The following HECW1 variants were observed in gnomAD, a reference collection of about 807,000 sequenced individuals.
The protein encoded by HECW1 is E3 ubiquitin-protein ligase HECW1.
A neutral mutation model predicts 182.3 loss-of-function variants in HECW1; 61 were observed. That is an observed-to-expected ratio of 0.33 (90% CI 0.27 to 0.41). HECW1 has a LOEUF of 0.41. Among genes scored for constraint, HECW1 ranks in the 10% least tolerant of loss-of-function variants. The pLI is 1.00. For synonymous variants in HECW1, 859 were observed against 832.6 expected, an observed-to-expected ratio of 1.03 and a Z score of -0.55; for missense variants, 1,739 against 2,108.9, an observed-to-expected ratio of 0.82 and a Z score of 3.44.
Position 43,564,567 on chromosome 7 carries a change from C to A in HECW1, c.*2641C>A, listed in dbSNP as rs545986792. ...AAAGCATAACAGGAACATTCTTTCA[C>A]AAAAGTGCAAAATTTCATGAAGAAA... On this transcript the variant is annotated 3_prime_UTR_variant, in exon 30 of 30. Coordinates refer to ENST00000395891, the MANE Select transcript of HECW1 (RefSeq NM_015052.5). 45 of 185,834 alleles carry A rather than the reference C, an allele frequency of 2.4e-4. No individual in the cohort carries two copies. Among genetic ancestry groups the A allele is most frequent in the African/African-American group, 1.1e-3 (45 of 42,836 alleles). 11.5% of individuals were successfully genotyped at this position (185,834 alleles called of 1,614,324 possible).
chr7:43,329,385 C>T (rs996773189), intron 5 of HECW1, among the ~76,000 whole-genome samples: 10 of 151,814 alleles, frequency 6.6e-5, no homozygotes, highest in Non-Finnish European at 1.3e-4. Flanking sequence ...AGAAGTGTGG[C>T]GAGAAGACTG....
intron 5 of HECW1, among the ~76,000 whole-genome samples, chr7:43,331,522 G>A (rs1811485186): frequency 6.6e-6 from 1 of 151,954 alleles, no homozygotes. Flanking sequence ...GAACCCAGGA[G>A]GTGGAGTTTG....
At chr7:43,512,196 G>T (rs1026038956) in intron 24 of HECW1, 69 of 223,480 alleles carry the variant, frequency 3.1e-4, no homozygotes, top group African/African-American at 1.4e-3. Context: ...AAGATTACAA[G>T]GCTTTCTATG....
chr7:43,291,082 A>G (rs1805340589), intron 3 of HECW1, among the ~76,000 whole-genome samples: 1 of 152,212 alleles, frequency 6.6e-6, no homozygotes. Flanking sequence ...ACGCTGTTAT[A>G]TGTACAATGT....
chr7:43,257,850 G>T (rs371473478), intron 3 of HECW1, among the ~76,000 whole-genome samples: 9 of 96,106 alleles, frequency 9.4e-5, no homozygotes, highest in African/African-American at 1.9e-4. Context: ...TTAGAAATAA[G>T]AAGAAGAATA....
chr7:43,277,948 G>T (rs969939735), intron 3 of HECW1, among the ~76,000 whole-genome samples: 12 of 151,942 alleles, frequency 7.9e-5, no homozygotes, highest in Non-Finnish European at 1.2e-4. Context: ...TCCTTCTTGG[G>T]CTCTTTCCCT....
At chr7:43,348,759 G>A (rs759066629) in intron 5 of HECW1, among the ~76,000 whole-genome samples, 4 of 152,050 alleles carry the variant, frequency 2.6e-5, no homozygotes, top group South Asian at 2.1e-4. Context: ...TCTTGATTTC[G>A]TTTTTGACCA....
At chr7:43,279,873 T>A in intron 3 of HECW1, among the ~76,000 whole-genome samples, 1 of 152,244 alleles carries the variant, frequency 6.6e-6, no homozygotes, top group East Asian at 1.9e-4. Flanking sequence ...GCAGCGACTA[T>A]TACAGTAGAT....
At position 43,384,651 on chromosome 7, in the gene HECW1, A is replaced by G. The variant is rs138724641; in HGVS notation, c.556-12163A>G. Among the ~76,000 whole-genome samples, 762 of 152,346 alleles carry G rather than the reference A, an allele frequency of 5.0e-3. 7 individuals carry two copies. Among genetic ancestry groups the G allele is most frequent in the African/African-American group, 0.017 (723 of 41,582 alleles). On this transcript the variant is annotated intron_variant, in intron 6 of 29. Coordinates refer to ENST00000395891, the MANE Select transcript of HECW1 (RefSeq NM_015052.5). ...CTTTAAAAAAAATCATTTTCTAGGC[A>G]TCTTTTCATTCAGTGAGGAGTAAAT...
chr7:43,418,668 T>A (rs1270409354), intron 8 of HECW1, among the ~76,000 whole-genome samples: 1 of 152,234 alleles, frequency 6.6e-6, no homozygotes, highest in Non-Finnish European at 1.5e-5. Flanking sequence ...TGGTTTTTTT[T>A]AATGTGCTTT....
intron 2 of HECW1, among the ~76,000 whole-genome samples, chr7:43,224,897 G>A (rs1797286932): frequency 6.6e-6 from 1 of 152,218 alleles, no homozygotes; most frequent in African/African-American, 2.4e-5. Context: ...GTGTAGTGGA[G>A]GGAGTGGCTG....
chr7:43,393,016 A>G (rs960943287), intron 6 of HECW1, among the ~76,000 whole-genome samples: 13 of 152,336 alleles, frequency 8.5e-5, no homozygotes, highest in African/African-American at 2.2e-4. Flanking sequence ...AATTAACCTC[A>G]AAGCTCTTAA....
At chr7:43,337,724 A>G (rs1216949029) in intron 5 of HECW1, among the ~76,000 whole-genome samples, 1 of 152,232 alleles carries the variant, frequency 6.6e-6, no homozygotes. Context: ...AGCCAAGATC[A>G]TTGTCTCCCA....
At chr7:43,120,671 T>C (rs1262417266) in intron 2 of HECW1, among the ~76,000 whole-genome samples, 6 of 152,076 alleles carry the variant, frequency 3.9e-5, no homozygotes, top group African/African-American at 1.4e-4. Flanking sequence ...TGAGACAGGG[T>C]TTCACTCTGT....
At chr7:43,544,282 G>C (rs2081475173) in intron 26 of HECW1, among the ~76,000 whole-genome samples, 1 of 152,038 alleles carries the variant, frequency 6.6e-6, no homozygotes, top group South Asian at 2.1e-4. Flanking sequence ...TATCAGAAGA[G>C]ATCCCACAGA....
intron 19 of HECW1, among the ~76,000 whole-genome samples, chr7:43,493,480 A>T (rs1026864790): frequency 1.3e-4 from 20 of 152,214 alleles, no homozygotes; most frequent in African/African-American, 4.6e-4. Context: ...AAAATTATTT[A>T]TGTACAGCAC....
At chr7:43,208,237 G>C (rs954139306) in intron 2 of HECW1, among the ~76,000 whole-genome samples, 2 of 152,154 alleles carry the variant, frequency 1.3e-5, no homozygotes, top group East Asian at 3.8e-4. Context: ...TCTGAAGTCT[G>C]CTCTTTCAAC....
At chr7:43,172,284 A>C (rs904780536) in intron 2 of HECW1, among the ~76,000 whole-genome samples, 1 of 151,754 alleles carries the variant, frequency 6.6e-6, no homozygotes, top group African/African-American at 2.4e-5. Context: ...ACAGGGTGAG[A>C]CTCTGTCTCT....
intron 6 of HECW1, among the ~76,000 whole-genome samples, chr7:43,386,980 C>A (rs1327899982): frequency 6.6e-6 from 1 of 152,166 alleles, no homozygotes; most frequent in East Asian, 1.9e-4. Context: ...GCATGCCAGG[C>A]AACGCATTTG....
Sources: gnomAD v4.1 joint callset for allele counts (sites outside exome capture counted in the v4.1 genomes callset) on GRCh38, gnomAD v4.1.1 for gene constraint, MANE v1.5 for transcripts, NCBI Gene and HGNC (gene_info 2026-07-23, HGNC 2026-07-21) for gene names.